The following TMBIM4 variants were observed in gnomAD, a reference collection of about 807,000 sequenced individuals.
TMBIM4 encodes transmembrane BAX inhibitor motif containing 4, also known as protein lifeguard 4.
TMBIM4 carries 28 observed loss-of-function variants against 27.7 expected under a neutral mutation model. The observed-to-expected ratio is 1.01, with a 90% CI of 0.75 to 1.38. The LOEUF is 1.38. Ranked by LOEUF, TMBIM4 falls within the 40% of genes most tolerant of loss-of-function variation. The probability of loss-of-function intolerance (pLI) is 0.00; values close to 1 mark genes in which losing one functional copy is unlikely to be tolerated. For synonymous variants in TMBIM4, 115 were observed against 113.1 expected (o/e 1.02, Z -0.11); for missense variants, 265 against 277.5 (o/e 0.95, Z 0.32).
At chr12:66,139,356 T>C (rs1172984396) in intron 5 of TMBIM4, among the ~76,000 whole-genome samples, 6 of 152,188 alleles carry the variant, frequency 3.9e-5, no homozygotes, top group Non-Finnish European at 8.8e-5. Context: ...ATGGGACTTA[T>C]CAGCTGCTTC....
chr12:66,141,970 C>G (rs764029155), intron 5 of TMBIM4, among the ~76,000 whole-genome samples: 1 of 152,094 alleles, frequency 6.6e-6, no homozygotes, highest in African/African-American at 2.4e-5. Flanking sequence ...TATGAACCAA[C>G]TTTACCTAAT....
intron 1 of TMBIM4, among the ~76,000 whole-genome samples, chr12:66,168,382 G>T (rs1036206249): frequency 1.1e-4 from 17 of 152,172 alleles, no homozygotes; most frequent in African/African-American, 3.4e-4. Context: ...TCCAGGGACT[G>T]GGGGAAGGAA....
chr12:66,144,328 TA>T (rs1162754484), intron 5 of TMBIM4, among the ~76,000 whole-genome samples: 1 of 152,082 alleles, frequency 6.6e-6, no homozygotes, highest in Non-Finnish European at 1.5e-5. Flanking sequence ...AATACGTTCT[TA>T]AAAACATCAA....
At chr12:66,154,323 T>G (rs922550514) in intron 1 of TMBIM4, among the ~76,000 whole-genome samples, 17 of 152,182 alleles carry the variant, frequency 1.1e-4, no homozygotes, top group African/African-American at 3.6e-4. Context: ...ATAAGTCTAC[T>G]TGTCCTTCAC....
chr12:66,167,532 A>C (rs2136890438), intron 1 of TMBIM4, among the ~76,000 whole-genome samples: 1 of 152,368 alleles, frequency 6.6e-6, no homozygotes, highest in African/African-American at 2.4e-5. Context: ...GAGAAATGCA[A>C]ATCAAAACCA....
In TMBIM4 at chr12:66,136,069, ATT is replaced by A. The variant is rs1416391403; in HGVS notation, c.*1889_*1890del. 4.8e-4 allele frequency: 6 copies of A among 12,586 alleles called. No homozygotes were observed. In the South Asian group the frequency reaches 0.024, roughly 50 times the overall value. 0.8% of individuals were successfully genotyped at this position (12,586 alleles called of 1,614,324 possible). A position where few individuals can be genotyped will look rare whatever the true frequency, so the allele number is the denominator to read the frequency against. The stretch of plus-strand genomic sequence containing the variant: ...CCAAGAATTATCAATAAAAAAATAA[ATT>A]AAAAAAAAAAAAAAAAAAAAAAAAA... On this transcript the variant is annotated 3_prime_UTR_variant, in exon 7 of 7. Transcript: ENST00000358230.
chr12:66,163,673 C>T (rs1443667062), intron 1 of TMBIM4, among the ~76,000 whole-genome samples: 1 of 152,168 alleles, frequency 6.6e-6, no homozygotes, highest in Admixed American at 6.5e-5. Context: ...AATGACAACT[C>T]AAGGTGAGAT....
chr12:66,137,795 T>A lies in TMBIM4; in HGVS notation c.*165A>T, dbSNP rs1426815531. ...AAAGAATAGTAAGATTTTAAAGCTC[T>A]CAAAATTACATATGATACAAATAAA... On this transcript the variant is annotated 3_prime_UTR_variant, in exon 7 of 7. Transcript: ENST00000358230. 6.6e-6 allele frequency: 4 copies of A among 605,038 alleles called. No homozygotes were observed. In the African/African-American group the frequency reaches 7.4e-5, roughly 11 times the overall value. 37.5% of individuals were successfully genotyped at this position (605,038 alleles called of 1,614,324 possible). A position where few individuals can be genotyped will look rare whatever the true frequency, so the allele number is the denominator to read the frequency against.
chr12:66,169,503 T>C, intron 1 of TMBIM4: 1 of 484,832 alleles, frequency 2.1e-6, no homozygotes, highest in Non-Finnish European at 3.6e-6. Flanking sequence ...ACCGACTCAT[T>C]TCCACGACGT....
intron 1 of TMBIM4, chr12:66,160,155 T>G (rs1225192604): frequency 1.4e-6 from 1 of 702,456 alleles, no homozygotes. Context: ...AAGCTGAGTA[T>G]GTTTCTTACT....
Position 66,152,332 on chromosome 12 carries a change from A to T in TMBIM4, c.251T>A (p.Ile84Asn). Residue 84 changes from isoleucine (I) to asparagine (N), a missense_variant, in exon 3 of 7, where the codon ATT (isoleucine) becomes AAT (asparagine). Ile to Asn is a moderately radical substitution (Grantham distance 149). Coordinates refer to ENST00000358230, the MANE Select transcript of TMBIM4 (RefSeq NM_016056.4). Reference sequence around the variant, plus strand: ...ATGTCTGTTTAAAATCAACGCAAAAATCAAACCCAGAGATCCGAGGGCAAA... The same window carrying T: ...ATGTCTGTTTAAAATCAACGCAAAATTCAAACCCAGAGATCCGAGGGCAAA... Reference protein sequence around the residue: ...LLFALGSLGLIFALILNRHKY... With the variant: ...LLFALGSLGLNFALILNRHKY... 6.2e-7 allele frequency: 1 copy of T among 1,610,764 alleles called. No individual in the cohort carries two copies. The highest frequency in any genetic ancestry group is 8.5e-7 in the Non-Finnish European group (1 of 1,178,042).
intron 5 of TMBIM4, among the ~76,000 whole-genome samples, chr12:66,140,737 AT>A (rs1410492220): frequency 6.6e-6 from 1 of 151,738 alleles, no homozygotes; most frequent in Non-Finnish European, 1.5e-5. Flanking sequence ...CTCTTAAACA[AT>A]TTTTTTTTCC....
chr12:66,161,580 T>C (rs968934823), intron 1 of TMBIM4, among the ~76,000 whole-genome samples: 1 of 152,222 alleles, frequency 6.6e-6, no homozygotes. Flanking sequence ...TTTTAAGTAG[T>C]AACGCACCGA....
At chr12:66,139,666 G>C (rs1368217059) in intron 5 of TMBIM4, 1 of 455,930 alleles carries the variant, frequency 2.2e-6, no homozygotes, top group Admixed American at 2.4e-5. Flanking sequence ...ATATCAGAAA[G>C]AAGAGAACTA....
intron 3 of TMBIM4, among the ~76,000 whole-genome samples, chr12:66,150,446 A>G (rs1453681924): frequency 7.6e-6 from 1 of 131,380 alleles, no homozygotes. Context: ...ACAGGGTCTC[A>G]CTCTGTCACT....
intron 1 of TMBIM4, among the ~76,000 whole-genome samples, chr12:66,160,477 GT>G (rs2052016301): frequency 6.6e-6 from 1 of 152,170 alleles, no homozygotes; most frequent in Non-Finnish European, 1.5e-5. Flanking sequence ...AGTGGGGATG[GT>G]TAAATAAATT....
intron 1 of TMBIM4, among the ~76,000 whole-genome samples, chr12:66,155,183 A>C (rs1345232683): frequency 6.6e-6 from 1 of 152,050 alleles, no homozygotes; most frequent in Non-Finnish European, 1.5e-5. Context: ...AAGCCATTAC[A>C]CCTGCAAGGG....
At chr12:66,157,732 T>C (rs1395060790) in intron 1 of TMBIM4, among the ~76,000 whole-genome samples, 1 of 152,162 alleles carries the variant, frequency 6.6e-6, no homozygotes, top group Non-Finnish European at 1.5e-5. Context: ...GGTAAAATTC[T>C]ATGCAAACTG....
In TMBIM4 at chr12:66,137,267, A is replaced by G. The variant is rs1422562894; in HGVS notation, c.*693T>C. ...CTACTTCAGAATCAAAGCCAAATCA[A>G]TATTACTTAATAATTCAGGGAAAAT... On this transcript the variant is annotated 3_prime_UTR_variant, in exon 7 of 7. Transcript: ENST00000358230. The G allele has an allele frequency of 2.0e-5, 3 of 152,242 alleles. No homozygotes were observed. Among genetic ancestry groups the G allele is most frequent in the East Asian group, 1.9e-4 (1 of 5,208 alleles). The allele number at this position is 152,242 out of a possible 1,614,324, so 9.4% of individuals were successfully genotyped here.
Sources: gnomAD v4.1 joint callset for allele counts (sites outside exome capture counted in the v4.1 genomes callset) on GRCh38, gnomAD v4.1.1 for gene constraint, MANE v1.5 for transcripts, NCBI Gene and HGNC (gene_info 2026-07-23, HGNC 2026-07-21) for gene names.